PTPN12: variants seen among roughly 807,000 people sequenced by gnomAD.
PTPN12 encodes tyrosine-protein phosphatase non-receptor type 12.
In PTPN12, 29 loss-of-function variants were observed where a neutral mutation model predicts 97.6. The ratio of observed to expected loss-of-function variants is 0.30; its 90% confidence interval spans 0.22 to 0.41. The LOEUF is 0.41. Among genes scored for constraint, PTPN12 ranks in the 10% least tolerant of loss-of-function variants. PTPN12 has a pLI of 1.00. For synonymous variants in PTPN12, 327 were observed against 300.4 expected, an observed-to-expected ratio of 1.09 and a Z score of -0.91; for missense variants, 819 against 926.0, an observed-to-expected ratio of 0.88 and a Z score of 1.50.
At chr7:77,590,713 A>C (rs1048970781) in intron 5 of PTPN12, among the ~76,000 whole-genome samples, 17 of 152,004 alleles carry the variant, frequency 1.1e-4, no homozygotes, top group African/African-American at 3.9e-4. Flanking sequence ...GGCATGTGCC[A>C]CCATGCCTGG....
At chr7:77,546,076 C>T (rs909261984) in intron 1 of PTPN12, among the ~76,000 whole-genome samples, 17 of 152,202 alleles carry the variant, frequency 1.1e-4, no homozygotes, top group Admixed American at 2.0e-4. Context: ...GGATTACGGG[C>T]GCCCGTGACC....
At chr7:77,610,392 T>C (rs1391444550) in intron 9 of PTPN12, among the ~76,000 whole-genome samples, 1 of 152,194 alleles carries the variant, frequency 6.6e-6, no homozygotes, top group Non-Finnish European at 1.5e-5. Context: ...ACTTCTCAAT[T>C]CCCCACATAG....
intron 4 of PTPN12, chr7:77,585,076 T>C (rs1787646117): frequency 6.6e-6 from 1 of 152,456 alleles, no homozygotes; most frequent in African/African-American, 2.4e-5. Flanking sequence ...ATGTTTACTG[T>C]AAAATTCTCA....
chr7:77,619,252 C>G (rs945554777), intron 12 of PTPN12, among the ~76,000 whole-genome samples: 2 of 152,130 alleles, frequency 1.3e-5, no homozygotes, highest in South Asian at 2.1e-4. Flanking sequence ...GCACATAGAT[C>G]TGCCAAAACT....
intron 8 of PTPN12, among the ~76,000 whole-genome samples, chr7:77,603,058 A>G (rs1788238858): frequency 6.6e-6 from 1 of 152,214 alleles, no homozygotes; most frequent in Admixed American, 6.5e-5. Context: ...CCAGGAAAGT[A>G]ACTTGCTGGT....
intron 8 of PTPN12, among the ~76,000 whole-genome samples, chr7:77,605,409 G>GGTTTTTTTTTTT (rs1554321255): frequency 0.013 from 1,248 of 95,486 alleles, 293 homozygotes; most frequent in South Asian, 0.015. Context: ...TTTGTCATGA[G>GGTTTTTTTTTTT]TTTTTTTTTT....
At chr7:77,560,768 A>G (rs1807962282) in intron 1 of PTPN12, among the ~76,000 whole-genome samples, 1 of 152,202 alleles carries the variant, frequency 6.6e-6, no homozygotes, top group African/African-American at 2.4e-5. Flanking sequence ...CATTGTATGT[A>G]TATACTACAT....
chr7:77,630,710 T>C (rs1584222012), intron 13 of PTPN12, among the ~76,000 whole-genome samples: 1 of 152,364 alleles, frequency 6.6e-6, no homozygotes, highest in East Asian at 1.9e-4. Context: ...CATAAGTTAC[T>C]GCCTGACAAA....
At chr7:77,634,934 G>A (rs913098403) in intron 14 of PTPN12, among the ~76,000 whole-genome samples, 3 of 152,008 alleles carry the variant, frequency 2.0e-5, no homozygotes, top group African/African-American at 7.2e-5. Flanking sequence ...GGAGTGCAGT[G>A]GCACGATCTG....
At chr7:77,580,718 A>G (rs1228732562) in intron 2 of PTPN12, among the ~76,000 whole-genome samples, 1 of 152,162 alleles carries the variant, frequency 6.6e-6, no homozygotes, top group African/African-American at 2.4e-5. Flanking sequence ...AATAATAACT[A>G]TTATTAGCCA....
At chr7:77,548,120 T>C (rs1807305973) in intron 1 of PTPN12, among the ~76,000 whole-genome samples, 1 of 152,220 alleles carries the variant, frequency 6.6e-6, no homozygotes, top group African/African-American at 2.4e-5. Flanking sequence ...GTATATAAAG[T>C]AGTACTCTCT....
intron 14 of PTPN12, among the ~76,000 whole-genome samples, chr7:77,634,658 T>C (rs1278623214): frequency 6.6e-6 from 1 of 152,078 alleles, no homozygotes; most frequent in Non-Finnish European, 1.5e-5. Context: ...TTAGCCAGGA[T>C]GGTCCATCTC....
intron 1 of PTPN12, among the ~76,000 whole-genome samples, chr7:77,556,485 GCT>G (rs1376969726): frequency 6.6e-6 from 1 of 152,038 alleles, no homozygotes; most frequent in Non-Finnish European, 1.5e-5. Context: ...TGTAAATAAG[GCT>G]CTGTTAAAAC....
At chr7:77,637,309 AT>A (rs1172719083) in intron 16 of PTPN12, among the ~76,000 whole-genome samples, 1 of 152,042 alleles carries the variant, frequency 6.6e-6, no homozygotes, top group Non-Finnish European at 1.5e-5. Context: ...TTTTAAAAAT[AT>A]TTTTCTGTTT....
intron 1 of PTPN12, among the ~76,000 whole-genome samples, chr7:77,564,775 T>TTTTTTTTTTC (rs1808185621): frequency 7.6e-6 from 1 of 131,252 alleles, no homozygotes; most frequent in Non-Finnish European, 1.6e-5. Flanking sequence ...TTTTTTTTTT[T>TTTTTTTTTTC]TGAGACGGAA....
chr7:77,592,846 C>T (rs1787909322), intron 6 of PTPN12, among the ~76,000 whole-genome samples: 1 of 151,654 alleles, frequency 6.6e-6, no homozygotes, highest in Non-Finnish European at 1.5e-5. Flanking sequence ...AAAATGAAAA[C>T]AGTGAAGGAA....
chr7:77,582,714 G>A lies in PTPN12; in HGVS notation c.286-841G>A, dbSNP rs374093929. Among the ~76,000 whole-genome samples the A allele has an allele frequency of 4.0e-5, 6 of 151,524 alleles. No individual in the cohort carries two copies. The East Asian group carries it at 7.8e-4, about 20-fold the overall frequency. On this transcript the variant is annotated intron_variant, in intron 3 of 17. Coordinates refer to ENST00000248594, the MANE Select transcript of PTPN12 (RefSeq NM_002835.4). ...CAGGAGAATCGCCTGAACCCAGGAG[G>A]TGGAAGTTGCAGTAAGCCGAGATCG...
At chr7:77,625,470 T>TCGCTTGCG (rs1554326583) in intron 12 of PTPN12, among the ~76,000 whole-genome samples, 10 of 45,042 alleles carry the variant, frequency 2.2e-4, no homozygotes, top group African/African-American at 1.1e-3. Context: ...CCCAGGCTGC[T>TCGCTTGCG]CGCTCTCTCT....
chr7:77,598,822 T>A (rs1788101183), intron 7 of PTPN12, among the ~76,000 whole-genome samples: 1 of 150,630 alleles, frequency 6.6e-6, no homozygotes, highest in African/African-American at 2.4e-5. Context: ...ATATATATAA[T>A]ATATATTATT....
Sources: gnomAD v4.1 joint callset for allele counts (sites outside exome capture counted in the v4.1 genomes callset) on GRCh38, gnomAD v4.1.1 for gene constraint, MANE v1.5 for transcripts, NCBI Gene and HGNC (gene_info 2026-07-23, HGNC 2026-07-21) for gene names.